TRHDE: variants seen among roughly 807,000 people sequenced by gnomAD.
TRHDE encodes thyrotropin-releasing hormone-degrading ectoenzyme.
TRHDE carries 72 observed loss-of-function variants against 125.7 expected under a neutral mutation model. The ratio of observed to expected loss-of-function variants is 0.57; its 90% CI spans 0.47 to 0.70. TRHDE has a LOEUF of 0.70. Among genes scored for constraint, TRHDE ranks in the 30% least tolerant of loss-of-function variants. TRHDE has a pLI of 0.00. For synonymous variants in TRHDE, 509 were observed against 509.1 expected, an observed-to-expected ratio of 1.00 and a Z score of 0.00; for missense variants, 1,110 against 1,327.1, an observed-to-expected ratio of 0.84 and a Z score of 2.54.
intron 3 of TRHDE, among the ~76,000 whole-genome samples, chr12:72,385,518 A>C (rs964928366): frequency 5.9e-5 from 9 of 152,232 alleles, no homozygotes; most frequent in Non-Finnish European, 1.2e-4. Context: ...ATAAACCAAA[A>C]TATCAGTTAT....
At chr12:72,331,683 C>T (rs1801505899) in intron 2 of TRHDE, among the ~76,000 whole-genome samples, 1 of 152,148 alleles carries the variant, frequency 6.6e-6, no homozygotes, top group Non-Finnish European at 1.5e-5. Context: ...AGTTGTGGGG[C>T]ACTCTACGAG....
At chr12:72,607,502 C>T (rs1872494603) in intron 12 of TRHDE, among the ~76,000 whole-genome samples, 1 of 134,474 alleles carries the variant, frequency 7.4e-6, no homozygotes, top group African/African-American at 3.3e-5. Flanking sequence ...ATTTGGCAAC[C>T]AGTGATACAG....
At chr12:72,547,225 A>C (rs1400901408) in intron 7 of TRHDE, among the ~76,000 whole-genome samples, 1 of 151,650 alleles carries the variant, frequency 6.6e-6, no homozygotes, top group Non-Finnish European at 1.5e-5. Flanking sequence ...TATTGTATTA[A>C]GACCATATGA....
intron 2 of TRHDE, among the ~76,000 whole-genome samples, chr12:72,116,342 G>A (rs1490910255): frequency 6.6e-6 from 1 of 152,126 alleles, no homozygotes; most frequent in Non-Finnish European, 1.5e-5. Flanking sequence ...TGTCTTTATA[G>A]TAGAATGATT....
intron 2 of TRHDE, among the ~76,000 whole-genome samples, chr12:72,296,126 T>C (rs1449242277): frequency 6.6e-6 from 1 of 152,228 alleles, no homozygotes; most frequent in African/African-American, 2.4e-5. Context: ...TCATGTTGTA[T>C]GTAGAAAATG....
intron 2 of TRHDE, among the ~76,000 whole-genome samples, chr12:72,234,384 C>A (rs1878302683): frequency 6.6e-6 from 1 of 152,042 alleles, no homozygotes; most frequent in Non-Finnish European, 1.5e-5. Context: ...CTCAGTCAAG[C>A]AGGGAAATTA....
At chr12:72,383,949 CA>C (rs1872304287) in intron 3 of TRHDE, among the ~76,000 whole-genome samples, 1 of 152,010 alleles carries the variant, frequency 6.6e-6, no homozygotes, top group African/African-American at 2.4e-5. Context: ...AATGATATAA[CA>C]GCTATTTTTG....
intron 3 of TRHDE, among the ~76,000 whole-genome samples, chr12:72,391,187 A>G (rs560744597): frequency 1.3e-5 from 2 of 152,210 alleles, no homozygotes; most frequent in Non-Finnish European, 2.9e-5. Flanking sequence ...GACGTTTTAA[A>G]TGAAAAATGT....
rs1338992472 is a variant in TRHDE, at chr12:72,626,065, G to A, written c.2675+4314G>A. Reference sequence around the variant, plus strand: ...ACCCTCTGAGTTTCTGATTTAGTAGGTAGAATGAGGCCCAAGGTTTTGTAT... The same window carrying A: ...ACCCTCTGAGTTTCTGATTTAGTAGATAGAATGAGGCCCAAGGTTTTGTAT... On this transcript the variant is annotated intron_variant, in intron 15 of 18. Transcript: ENST00000261180. Among the ~76,000 whole-genome samples, 8 of 151,872 alleles carry A rather than the reference G, an allele frequency of 5.3e-5. No homozygotes were observed. In the East Asian group the frequency reaches 1.6e-3, roughly 29 times the overall value.
intron 2 of TRHDE, among the ~76,000 whole-genome samples, chr12:72,376,711 T>C (rs909655197): frequency 6.6e-6 from 1 of 152,208 alleles, no homozygotes; most frequent in Non-Finnish European, 1.5e-5. Context: ...TAGGCAGAGA[T>C]AATAAAGAGT....
At chr12:72,583,869 G>T in intron 12 of TRHDE, among the ~76,000 whole-genome samples, 1 of 147,678 alleles carries the variant, frequency 6.8e-6, no homozygotes, top group Non-Finnish European at 1.5e-5. Flanking sequence ...CTTATGAGAA[G>T]TACAAATCTC....
intron 15 of TRHDE, among the ~76,000 whole-genome samples, chr12:72,637,304 A>G (rs1274601577): frequency 6.6e-6 from 1 of 151,942 alleles, no homozygotes; most frequent in Non-Finnish European, 1.5e-5. Context: ...GGTGTTTGTA[A>G]TATTCTCTGA....
rs1259309535 is a variant in TRHDE, at chr12:72,575,279, A to G, written c.2156A>G (p.Asp719Gly). 6.2e-7 allele frequency: 1 copy of G among 1,613,310 alleles called. No individual in the cohort carries two copies. The highest frequency in any genetic ancestry group is 1.3e-5 in the African/African-American group (1 of 74,880). Residue 719 changes from aspartate (D) to glycine (G), a missense_variant, in exon 11 of 19, where the codon GAC becomes GGC. Asp to Gly is a moderately conservative substitution (Grantham distance 94, BLOSUM62 -1). This residue lies in a region of TRHDE where 527 missense variants were observed against 651.8 expected (regional missense o/e 0.81). Transcript: ENST00000261180. The part of the protein sequence containing the change: ...KSEHHRITYL[D>G]KGSWLLGNIN... Reference sequence around the variant, plus strand: ...GAGCACCACAGAATAACTTATTTGGACAAAGGAAGCTGGCTGCTGGGGAAC... The same window carrying G: ...GAGCACCACAGAATAACTTATTTGGGCAAAGGAAGCTGGCTGCTGGGGAAC...
intron 3 of TRHDE, among the ~76,000 whole-genome samples, chr12:72,387,069 T>C (rs1350112085): frequency 6.6e-6 from 1 of 152,214 alleles, no homozygotes; most frequent in African/African-American, 2.4e-5. Context: ...CATATGCTGA[T>C]ACTTATGATT....
intron 2 of TRHDE, among the ~76,000 whole-genome samples, chr12:72,345,215 G>T (rs933589333): frequency 1.3e-5 from 2 of 152,116 alleles, no homozygotes; most frequent in African/African-American, 4.8e-5. Flanking sequence ...ACATTTTAAA[G>T]ATTAATTGGT....
At chr12:72,655,305 T>G (rs2136112287) in intron 17 of TRHDE, among the ~76,000 whole-genome samples, 1 of 152,256 alleles carries the variant, frequency 6.6e-6, no homozygotes, top group East Asian at 1.9e-4. Context: ...ACTCCTGAGC[T>G]CAAGCAATCC....
At chr12:72,545,980 G>C (rs1003872878) in intron 7 of TRHDE, among the ~76,000 whole-genome samples, 5 of 151,554 alleles carry the variant, frequency 3.3e-5, no homozygotes, top group African/African-American at 1.2e-4. Flanking sequence ...GTTTTGAGAA[G>C]AGCCAACATC....
At chr12:72,604,007 A>G (rs562846956) in intron 12 of TRHDE, among the ~76,000 whole-genome samples, 1 of 152,188 alleles carries the variant, frequency 6.6e-6, no homozygotes, top group African/African-American at 2.4e-5. Context: ...CTGCTAAAGG[A>G]TATGGTGAGT....
chr12:72,564,901 C>T (rs1375975555), intron 9 of TRHDE, among the ~76,000 whole-genome samples: 1 of 151,738 alleles, frequency 6.6e-6, no homozygotes, highest in Non-Finnish European at 1.5e-5. Flanking sequence ...CTCCTGACCT[C>T]GTGACCCACC....
Sources: gnomAD v4.1 joint callset for allele counts (sites outside exome capture counted in the v4.1 genomes callset) on GRCh38, gnomAD v4.1.1 for gene constraint, gnomAD v4.1.1 regional missense constraint, MANE v1.5 for transcripts, NCBI Gene and HGNC (gene_info 2026-07-23, HGNC 2026-07-21) for gene names.